C9orf85: variants seen among roughly 807,000 people sequenced by gnomAD.
The protein encoded by C9orf85 is uncharacterized protein C9orf85.
Under a neutral mutation model 14.9 loss-of-function variants are expected in C9orf85, and 16 were observed. That is an observed-to-expected ratio of 1.08 (90% CI 0.73 to 1.63). The LOEUF (loss-of-function observed/expected upper bound fraction) is 1.63. Ranked by LOEUF, C9orf85 falls within the 40% of genes most tolerant of loss-of-function variation. The pLI, the probability that C9orf85 is intolerant of heterozygous loss-of-function variation, is 0.00. For missense variants in C9orf85, 172 were observed against 186.1 expected (o/e 0.92, Z 0.44); for synonymous variants, 45 against 56.8 (o/e 0.79, Z 0.93).
Position 71,911,787 on chromosome 9 carries a change from A to C in C9orf85, c.53A>C (p.Asn18Thr), listed in dbSNP as rs1435534607. The C allele has an allele frequency of 1.8e-5, 29 of 1,614,020 alleles. No individual in the cohort carries two copies. Among genetic ancestry groups the C allele is most frequent in the Non-Finnish European group, 2.3e-5 (27 of 1,180,010 alleles). Residue 18 changes from asparagine to threonine, a missense_variant, in exon 1 of 4, where the codon AAT (asparagine) becomes ACT (threonine). Coordinates refer to ENST00000334731, the MANE Select transcript of C9orf85 (RefSeq NM_182505.5). ...CGTTCCAGACCTCAGAAGCACCAGA[A>C]TACGTTTAGCTTCAAAAATGACAAG... ...VARSRPQKHQ[N>T]TFSFKNDKFD...
chr9:71,972,263 G>T (rs912997226), intron 3 of C9orf85, among the ~76,000 whole-genome samples: 1 of 151,890 alleles, frequency 6.6e-6, no homozygotes, highest in East Asian at 1.9e-4. Context: ...AGCGTTCAAT[G>T]ATTTTTTTTT....
At chr9:71,978,406 G>C (rs573288475), downstream of C9orf85, among the ~76,000 whole-genome samples, 1 of 152,060 alleles carries the variant, frequency 6.6e-6, no homozygotes, top group East Asian at 1.9e-4. Context: ...CACTGCGCCC[G>C]GTCACTTTTT....
chr9:71,963,979 C>T (rs1194927889), intron 2 of C9orf85, among the ~76,000 whole-genome samples: 1 of 152,194 alleles, frequency 6.6e-6, no homozygotes, highest in East Asian at 1.9e-4. Flanking sequence ...GTGGGATCCA[C>T]GGGGTGAAGC....
intron 2 of C9orf85, among the ~76,000 whole-genome samples, chr9:71,961,445 C>T (rs561149465): frequency 3.0e-4 from 46 of 152,144 alleles, no homozygotes; most frequent in Non-Finnish European, 4.9e-4. Context: ...CCTGTAGTCC[C>T]AGCTACCAGG....
intron 2 of C9orf85, among the ~76,000 whole-genome samples, chr9:71,961,990 C>T (rs1822534412): frequency 6.6e-6 from 1 of 152,084 alleles, no homozygotes; most frequent in African/African-American, 2.4e-5. Flanking sequence ...CATAGTGAGA[C>T]CCTGTCACTA....
intron 1 of C9orf85, among the ~76,000 whole-genome samples, chr9:71,942,629 G>C (rs566768265): frequency 6.6e-6 from 1 of 152,308 alleles, no homozygotes; most frequent in South Asian, 2.1e-4. Flanking sequence ...AAAGCCAGGT[G>C]CTGTGGCTCA....
At chr9:71,971,904 G>GT (rs1300806485) in intron 3 of C9orf85, among the ~76,000 whole-genome samples, 2 of 150,244 alleles carry the variant, frequency 1.3e-5, no homozygotes, top group Non-Finnish European at 2.9e-5. Context: ...AACTTGGGGG[G>GT]CAGAGGTTGC....
At chr9:71,963,598 C>T (rs1383320234) in intron 2 of C9orf85, among the ~76,000 whole-genome samples, 2 of 152,164 alleles carry the variant, frequency 1.3e-5, no homozygotes, top group African/African-American at 2.4e-5. Context: ...GCTGGAGTTC[C>T]GGGTGGGCGT....
chr9:71,952,824 A>G (rs962212216), intron 2 of C9orf85, among the ~76,000 whole-genome samples: 1 of 152,228 alleles, frequency 6.6e-6, no homozygotes, highest in South Asian at 2.1e-4. Flanking sequence ...GTGGCAGACG[A>G]ATACCCCCAT....
At chr9:71,971,689 C>T in intron 3 of C9orf85, 71 bp downstream of exon 3, 1 of 1,090,212 alleles carries the variant, frequency 9.2e-7, no homozygotes. Context: ...AAGAGATGAT[C>T]CTTGCTAGGC....
intron 2 of C9orf85, among the ~76,000 whole-genome samples, chr9:71,956,837 C>T (rs1372378333): frequency 6.6e-6 from 1 of 152,122 alleles, no homozygotes; most frequent in Non-Finnish European, 1.5e-5. Context: ...TTGACTTGCT[C>T]ATATTTTCTA....
At chr9:71,976,649 G>A (rs1014977377), downstream of C9orf85, among the ~76,000 whole-genome samples, 1 of 148,228 alleles carries the variant, frequency 6.7e-6, no homozygotes, top group African/African-American at 2.5e-5. Context: ...GACACAGAGC[G>A]AGACTCCATC....
chr9:71,943,535 T>G (rs1821998163), intron 1 of C9orf85, among the ~76,000 whole-genome samples: 1 of 151,944 alleles, frequency 6.6e-6, no homozygotes, highest in African/African-American at 2.4e-5. Context: ...CCCAGCTTCT[T>G]TTTTTTGTTT....
At chr9:71,928,831 C>G (rs139681264) in intron 1 of C9orf85, among the ~76,000 whole-genome samples, 1 of 152,258 alleles carries the variant, frequency 6.6e-6, no homozygotes, top group African/African-American at 2.4e-5. Context: ...TTGCATTCTT[C>G]ATTAAGAATA....
intron 1 of C9orf85, among the ~76,000 whole-genome samples, chr9:71,942,795 C>T (rs10781054): frequency 0.81 from 123,113 of 151,846 alleles, 50,774 homozygotes; most frequent in East Asian, 0.93. Context: ...CCTAGCTACT[C>T]AGGAGCCTGA....
chr9:71,930,232 T>C (rs1232670499), intron 1 of C9orf85, among the ~76,000 whole-genome samples: 3 of 151,964 alleles, frequency 2.0e-5, no homozygotes, highest in African/African-American at 7.3e-5. Flanking sequence ...ATAAAATCAC[T>C]CAGACTTGAG....
chr9:71,954,451 G>C (rs897495238), intron 2 of C9orf85, among the ~76,000 whole-genome samples: 1 of 152,166 alleles, frequency 6.6e-6, no homozygotes, highest in Non-Finnish European at 1.5e-5. Flanking sequence ...GAAAGTAGAA[G>C]AATAAAAGAA....
chr9:71,972,016 A>C (rs1198969572), intron 3 of C9orf85, among the ~76,000 whole-genome samples: 1 of 151,730 alleles, frequency 6.6e-6, no homozygotes, highest in Non-Finnish European at 1.5e-5. Flanking sequence ...GTGATCCATA[A>C]CCCTTAGACT....
chr9:71,927,208 G>C (rs1183805048), intron 1 of C9orf85, among the ~76,000 whole-genome samples: 6 of 149,020 alleles, frequency 4.0e-5, no homozygotes, highest in Admixed American at 6.7e-5. Flanking sequence ...TTCTTATAGA[G>C]CTAAGCTATG....
Sources: allele counts gnomAD v4.1 joint callset (sites outside exome capture counted in the v4.1 genomes callset), GRCh38; gene constraint gnomAD v4.1.1; transcripts MANE v1.5; gene names NCBI Gene and HGNC (gene_info 2026-07-23, HGNC 2026-07-21).